The following PLEKHA4 variants were observed in gnomAD, a reference collection of about 807,000 sequenced individuals.
PLEKHA4 encodes the protein pleckstrin homology domain containing A4.
A neutral mutation model predicts 94.7 loss-of-function variants in PLEKHA4; 73 were observed. The observed-to-expected ratio is 0.77, with a 90% confidence interval of 0.64 to 0.94. The LOEUF (loss-of-function observed/expected upper bound fraction) is 0.94, where lower values mean the gene tolerates loss of function less well. PLEKHA4 is among the 40% of genes least tolerant of loss of function. The pLI, the probability that PLEKHA4 is intolerant of heterozygous loss-of-function variation, is 0.00. For synonymous variants in PLEKHA4, 449 were observed against 437.1 expected, an observed-to-expected ratio of 1.03 and a Z score of -0.34; for missense variants, 1,049 against 1,054.1, an observed-to-expected ratio of 1.00 and a Z score of 0.07.
At position 48,867,451 on chromosome 19, in the gene PLEKHA4, C is replaced by T; in HGVS notation, c.84+86G>A. 3 of 1,461,224 alleles carry T rather than the reference C, an allele frequency of 2.1e-6. No homozygotes were observed. Among genetic ancestry groups the T allele is most frequent in the Non-Finnish European group, 1.9e-6 (2 of 1,076,878 alleles). 90.5% of individuals were successfully genotyped at this position (1,461,224 alleles called of 1,614,324 possible). A position where few individuals can be genotyped will look rare whatever the true frequency, so the allele number is the denominator to read the frequency against. ...GACCCCGTTGCTAAGGATCTTTGTC[C>T]TTAACAACCAGAGTCCTTGGGGAAA... On this transcript the variant is annotated intron_variant, in intron 2 of 19. Coordinates refer to ENST00000263265, the MANE Select transcript of PLEKHA4 (RefSeq NM_020904.3). This position sits in a 1 kb window ranked among gnomAD's most constrained non-coding sequence, Gnocchi z 4.7.
intron 9 of PLEKHA4, 62 bp downstream of exon 9, chr19:48,857,360 C>T: frequency 1.4e-6 from 1 of 711,262 alleles, no homozygotes; most frequent in Non-Finnish European, 2.4e-6. Flanking sequence ...GATGACATTC[C>T]TCATAGAGAA....
rs778860678 is a variant in PLEKHA4, at chr19:48,859,064, G to T, written c.768C>A (p.Pro256=). Residue 256 remains proline, a synonymous_variant, in exon 8 of 20, where the codon CCC becomes CCA. Transcript: ENST00000263265. ...GTGCTGTGTCTCCTGAGGGGGCAGG[G>T]GGTCGCCGCGCAGGGGCAGAACGGG... ...PRPRSAPARR[P]PAPSGDTAPP... The T allele has an allele frequency of 2.0e-5, 29 of 1,467,076 alleles. No individual in the cohort carries two copies. The highest frequency in any genetic ancestry group is 2.9e-5 in the African/African-American group (2 of 69,416). The allele number at this position is 1,467,076 out of a possible 1,614,324, so 90.9% of individuals were successfully genotyped here.
At chr19:48,851,343 G>A (rs940924161) in intron 13 of PLEKHA4, among the ~76,000 whole-genome samples, 2 of 151,726 alleles carry the variant, frequency 1.3e-5, no homozygotes, top group Non-Finnish European at 2.9e-5. Context: ...TAGGCCGGGC[G>A]CAGTGGCTCA....
intron 17 of PLEKHA4, 41 bp from the exon 18 acceptor site, chr19:48,839,304 C>T (rs762804415): frequency 7.1e-7 from 1 of 1,406,476 alleles, no homozygotes; most frequent in Non-Finnish European, 9.7e-7. Context: ...CACCTGGAAG[C>T]CCCACGTTCT....
chr19:48,846,055 G>C (rs533049207), intron 14 of PLEKHA4, among the ~76,000 whole-genome samples: 2 of 151,586 alleles, frequency 1.3e-5, no homozygotes, highest in African/African-American at 4.8e-5. Context: ...TGAGCATGGA[G>C]GCTTGTGCTT....
rs2035560246 is a variant in PLEKHA4, at chr19:48,837,258, G to A, written c.*31C>T. ...GGCGGTACCTCCAGACCACGTCCTC[G>A]CGCTCCGATTGGCTGCCGCTTTTGG... On this transcript the variant is annotated 3_prime_UTR_variant, in exon 20 of 20. Coordinates refer to ENST00000263265, the MANE Select transcript of PLEKHA4 (RefSeq NM_020904.3). The surrounding 1 kb of genome is among the most constrained non-coding windows in gnomAD (Gnocchi z 4.3). 2.5e-6 allele frequency: 4 copies of A among 1,613,740 alleles called. No homozygotes were observed. The highest frequency in any genetic ancestry group is 2.2e-5 in the South Asian group (2 of 91,086).
At chr19:48,844,474 C>A in intron 16 of PLEKHA4, 1 of 985,216 alleles carries the variant, frequency 1.0e-6, no homozygotes, top group Non-Finnish European at 1.2e-6. Flanking sequence ...GCTTTTAAAT[C>A]TATTTGATCA....
rs117324081 is a variant in PLEKHA4, at chr19:48,841,171, C to T, written c.1883G>A (p.Arg628His). The T allele has an allele frequency of 1.3e-3, 2,077 of 1,611,000 alleles. 43 individuals carry two copies. The East Asian group carries it at 0.037, about 29-fold the overall frequency. The change falls in exon 17 of 20, where the codon CGC becomes CAC. Residue 628 changes from arginine (R) to histidine (H), a missense_variant. By Grantham distance (29) the Arg-to-His change is conservative. Coordinates refer to ENST00000263265, the MANE Select transcript of PLEKHA4 (RefSeq NM_020904.3). ...CACCCTTTGCTCCACGTCAGGCTGGCGTCTGGCTGGGGACAGTGTCCTTCC... is the reference window on the plus strand; with the variant it reads ...CACCCTTTGCTCCACGTCAGGCTGGTGTCTGGCTGGGGACAGTGTCCTTCC... ...TLGRTLSPARRQPDVEQRPVV... is the reference protein window; with the variant it reads ...TLGRTLSPARHQPDVEQRPVV...
At chr19:48,861,762 TG>T (rs2036651041) in intron 3 of PLEKHA4, 70 bp from the exon 4 acceptor site, 5 of 1,362,894 alleles carry the variant, frequency 3.7e-6, no homozygotes, top group Non-Finnish European at 5.2e-6. Context: ...GCAGTGACGA[TG>T]GGGACAGAGA....
At chr19:48,845,180 T>G in intron 16 of PLEKHA4, 190 bp downstream of exon 16, 2 of 580,218 alleles carry the variant, frequency 3.4e-6, no homozygotes, top group East Asian at 3.0e-5. Flanking sequence ...CACAGAGAGG[T>G]TTAATAACTG....
In PLEKHA4 at chr19:48,859,037, G is replaced by C; in HGVS notation, c.795C>G (p.Pro265=). 1 of 1,554,654 alleles carries C rather than the reference G, an allele frequency of 6.4e-7. No homozygotes were observed. Among genetic ancestry groups the C allele is most frequent in the Non-Finnish European group, 8.7e-7 (1 of 1,155,706 alleles). The stretch of plus-strand genomic sequence containing the variant: ...TCAACGGGGTGTGAGGTCGGGCAGG[G>C]GGTGCTGTGTCTCCTGAGGGGGCAG... ...RPPAPSGDTA[P]PARPHTPLSR... is the part of the protein sequence containing the mutation. The change falls in exon 8 of 20, where the codon CCC becomes CCG. Residue 265 remains proline (P), a synonymous_variant. Transcript: ENST00000263265.
At chr19:48,865,392 G>A in intron 3 of PLEKHA4, 111 bp downstream of exon 3, 1 of 673,036 alleles carries the variant, frequency 1.5e-6, no homozygotes, top group Non-Finnish European at 2.6e-6. Flanking sequence ...CTAAGGGGAG[G>A]GGCAGTGATA....
intron 15 of PLEKHA4, 32 bp from the exon 16 acceptor site, chr19:48,845,478 G>C (rs1179678124): frequency 1.2e-6 from 2 of 1,613,478 alleles, no homozygotes; most frequent in East Asian, 2.2e-5. Flanking sequence ...TGGTGAGGAC[G>C]GGAATTTCCG....
intron 17 of PLEKHA4, among the ~76,000 whole-genome samples, chr19:48,839,985 G>A (rs79761252): frequency 6.6e-6 from 1 of 151,800 alleles, no homozygotes; most frequent in African/African-American, 2.4e-5. Flanking sequence ...GCATGGGCCT[G>A]TAATCCCAGC....
In PLEKHA4 at chr19:48,858,926, G is replaced by A. The variant is rs773625749; in HGVS notation, c.906C>T (p.Pro302=). ...GGGGCTTTCCTCCCCCAGCCTCAGAGGGAGGTCCTCGGCGGGGAGTAGGGG... is the reference window on the plus strand; with the variant it reads ...GGGGCTTTCCTCCCCCAGCCTCAGAAGGAGGTCCTCGGCGGGGAGTAGGGG... The part of the protein sequence containing the change: ...SRPPTPRRGP[P]SEAGGGKPPR... Residue 302 remains proline, a synonymous_variant, in exon 8 of 20, where the codon CCC becomes CCT. Coordinates refer to ENST00000263265, the MANE Select transcript of PLEKHA4 (RefSeq NM_020904.3). The A allele has an allele frequency of 7.5e-6, 12 of 1,603,704 alleles. No individual in the cohort carries two copies. The highest frequency in any genetic ancestry group is 2.2e-5 in the East Asian group (1 of 44,604).
chr19:48,862,505 C>T (rs2036681687), intron 3 of PLEKHA4, among the ~76,000 whole-genome samples: 2 of 150,894 alleles, frequency 1.3e-5, no homozygotes, highest in Non-Finnish European at 3.0e-5. Flanking sequence ...CTGGCCTCCC[C>T]CACTTTCTTT....
chr19:48,839,944 A>G (rs899427857), intron 17 of PLEKHA4, among the ~76,000 whole-genome samples: 2 of 142,842 alleles, frequency 1.4e-5, no homozygotes, highest in African/African-American at 5.4e-5. Context: ...TACTAAAAAT[A>G]CAAAAAAAAA....
intron 9 of PLEKHA4, among the ~76,000 whole-genome samples, chr19:48,856,247 AGGAGG>A (rs1209889684): frequency 6.9e-6 from 1 of 145,160 alleles, no homozygotes; most frequent in Non-Finnish European, 1.5e-5. Flanking sequence ...GGAAAGAACG[AGGAGG>A]GGAGGGGAAG....
In PLEKHA4 at chr19:48,837,322, AG is replaced by A; in HGVS notation, c.2306del (p.Pro769LeufsTer67). ...PVLPQDEGAWPLRVTLLQSSF is the reference protein window; with the variant it reads ...PVLPQDEGAWXLRVTLLQSSF ...TGGATTGTAGCAGAGTGACTCGCAG[AG>A]GCCATGCCCCCTCGTCTTGTGGCAG... On this transcript the variant is annotated frameshift_variant, in exon 20 of 20. Coordinates refer to ENST00000263265, the MANE Select transcript of PLEKHA4 (RefSeq NM_020904.3). LOFTEE classifies it high-confidence loss of function. This position sits in a 1 kb window ranked among gnomAD's most constrained non-coding sequence, Gnocchi z 4.3. 6 of 1,613,940 alleles carry A rather than the reference AG, an allele frequency of 3.7e-6. No homozygotes were observed. The highest frequency in any genetic ancestry group is 5.1e-6 in the Non-Finnish European group (6 of 1,180,006).
Sources: gnomAD v4.1 joint callset for allele counts (sites outside exome capture counted in the v4.1 genomes callset) on GRCh38, gnomAD v4.1.1 for gene constraint, Gnocchi (gnomAD v3.1) non-coding constraint, MANE v1.5 for transcripts, NCBI Gene and HGNC (gene_info 2026-07-23, HGNC 2026-07-21) for gene names.